The following ZBTB20 variants were observed in gnomAD, a reference collection of about 807,000 sequenced individuals.
ZBTB20 encodes the protein zinc finger and BTB domain-containing protein 20.
A neutral mutation model predicts 56.9 loss-of-function variants in ZBTB20; 9 were observed. The ratio of observed to expected loss-of-function variants is 0.16; its 90% CI spans 0.10 to 0.28. The LOEUF (loss-of-function observed/expected upper bound fraction) is 0.28, where lower values mean the gene tolerates loss of function less well. ZBTB20 is among the 10% of genes least tolerant of loss of function. The pLI is 1.00. For missense variants in ZBTB20, 655 were observed against 1,003.0 expected, an observed-to-expected ratio of 0.65 and a Z score of 4.69; for synonymous variants, 417 against 420.7, an observed-to-expected ratio of 0.99 and a Z score of 0.11.
At chr3:114,405,999 G>C (rs1258209031) in intron 7 of ZBTB20, among the ~76,000 whole-genome samples, 1 of 150,932 alleles carries the variant, frequency 6.6e-6, no homozygotes, top group Non-Finnish European at 1.5e-5. Flanking sequence ...CTTCCAAATT[G>C]CTGAGCAGAT....
rs144837628 is a variant in ZBTB20, at chr3:114,420,501, A to G, written c.-254-31396T>C. ...GTGTCTTGCCCGCCTGTGCACATAC[A>G]GGAAGGAAAGGTTGATACAGGAGAA... On this transcript the variant is annotated intron_variant, in intron 7 of 11. Transcript: ENST00000675478. 2.8e-3 allele frequency among the ~76,000 whole-genome samples: 427 copies of G among 152,268 alleles called. 3 individuals are homozygous for G. Among genetic ancestry groups the G allele is most frequent in the African/African-American group, 9.8e-3 (408 of 41,558 alleles).
At chr3:114,956,784 C>T (rs1256256733) in intron 3 of ZBTB20, among the ~76,000 whole-genome samples, 4 of 152,122 alleles carry the variant, frequency 2.6e-5, no homozygotes, top group Non-Finnish European at 5.9e-5. Flanking sequence ...ACGGAGAGGC[C>T]TAATATACCA....
intron 4 of ZBTB20, among the ~76,000 whole-genome samples, chr3:114,877,836 C>A (rs1282788296): frequency 6.6e-6 from 1 of 152,024 alleles, no homozygotes; most frequent in Non-Finnish European, 1.5e-5. Flanking sequence ...TAGACAGCAT[C>A]TAATTTGCAT....
chr3:115,050,562 A>T (rs573482981), intron 2 of ZBTB20, among the ~76,000 whole-genome samples: 1 of 152,156 alleles, frequency 6.6e-6, no homozygotes, highest in South Asian at 2.1e-4. Context: ...TTTATAAATT[A>T]TGATACTTTA....
chr3:114,350,910 C>T lies in ZBTB20; in HGVS notation c.1168G>A (p.Val390Met). The T allele has an allele frequency of 6.2e-7, 1 of 1,606,418 alleles. No homozygotes were observed. Among genetic ancestry groups the T allele is most frequent in the Non-Finnish European group, 8.5e-7 (1 of 1,179,952 alleles). The change falls in exon 11 of 12, where the codon GTG becomes ATG. Residue 390 changes from valine (V) to methionine (M), a missense_variant. Val to Met is a conservative substitution (Grantham distance 21). This residue lies in a region of ZBTB20 where 156 missense variants were observed against 181.0 expected (regional missense o/e 0.86). Transcript: ENST00000675478. ...SSSIGTEPDSVEQQFGPGAAR... is the reference protein window; with the variant it reads ...SSSIGTEPDSMEQQFGPGAAR... ...GCCCCAGGCCCAAACTGCTGCTCCA[C>T]CGAGTCAGGCTCGGTGCCTATGGAG...
intron 3 of ZBTB20, among the ~76,000 whole-genome samples, chr3:114,972,713 G>A (rs1355128620): frequency 6.6e-6 from 1 of 152,042 alleles, no homozygotes; most frequent in African/African-American, 2.4e-5. Context: ...TTTGAAAAGC[G>A]ATATTCTTTC....
intron 6 of ZBTB20, among the ~76,000 whole-genome samples, chr3:114,605,605 GAAAGT>G (rs1023513850): frequency 7.9e-5 from 12 of 152,296 alleles, no homozygotes; most frequent in East Asian, 1.9e-4. Context: ...GGGGAGAAAG[GAAAGT>G]AAATAACCAA....
At chr3:115,110,672 A>G (rs554834793) in intron 1 of ZBTB20, among the ~76,000 whole-genome samples, 12 of 152,256 alleles carry the variant, frequency 7.9e-5, no homozygotes, top group Non-Finnish European at 7.4e-5. Context: ...ATCAGTTTAT[A>G]TCTCAATGAA....
At chr3:114,400,283 G>A (rs142817417) in intron 7 of ZBTB20, among the ~76,000 whole-genome samples, 38 of 152,270 alleles carry the variant, frequency 2.5e-4, no homozygotes, top group Middle Eastern at 3.4e-3. Context: ...CTTGTAAGCT[G>A]TAAAATCTCT....
At chr3:115,093,756 A>C (rs1361900309) in intron 1 of ZBTB20, among the ~76,000 whole-genome samples, 1 of 152,130 alleles carries the variant, frequency 6.6e-6, no homozygotes, top group Non-Finnish European at 1.5e-5. Context: ...AAAGGGCAAA[A>C]GGTATGAAGG....
At chr3:115,009,008 T>C (rs765729862) in intron 2 of ZBTB20, among the ~76,000 whole-genome samples, 2 of 151,916 alleles carry the variant, frequency 1.3e-5, no homozygotes, top group African/African-American at 4.8e-5. Flanking sequence ...TATGTGTGTA[T>C]GTAAGATTGA....
chr3:114,509,422 TGTGGTGGTGGTGGTGGTGGTG>T (rs199590803), intron 6 of ZBTB20, among the ~76,000 whole-genome samples: 1 of 149,982 alleles, frequency 6.7e-6, no homozygotes, highest in African/African-American at 2.5e-5. Context: ...TGTGTGTGTG[TGTGGTGGTGGTGGTGGTGGTG>T]GTGGTGGTGG....
intron 1 of ZBTB20, among the ~76,000 whole-genome samples, chr3:115,131,762 C>T (rs1026825924): frequency 6.6e-6 from 1 of 152,134 alleles, no homozygotes; most frequent in African/African-American, 2.4e-5. Flanking sequence ...GTAACAAATA[C>T]TGTTAAGGTG....
chr3:114,664,060 T>C (rs1372273559), intron 6 of ZBTB20, among the ~76,000 whole-genome samples: 3 of 152,066 alleles, frequency 2.0e-5, no homozygotes, highest in African/African-American at 7.2e-5. Flanking sequence ...TTAGTAGTAA[T>C]TTAGTGATTT....
At chr3:114,673,869 T>C (rs1016131689) in intron 6 of ZBTB20, among the ~76,000 whole-genome samples, 7 of 152,196 alleles carry the variant, frequency 4.6e-5, no homozygotes, top group African/African-American at 1.2e-4. Flanking sequence ...CTAAAAAGCA[T>C]TGACATTATT....
intron 6 of ZBTB20, among the ~76,000 whole-genome samples, chr3:114,570,368 TATAA>T (rs2053283739): frequency 6.6e-6 from 1 of 151,388 alleles, no homozygotes; most frequent in African/African-American, 2.4e-5. Context: ...ACATTATTTT[TATAA>T]ATACAGTATG....
At chr3:115,060,147 T>C (rs751867236) in intron 2 of ZBTB20, among the ~76,000 whole-genome samples, 6 of 152,192 alleles carry the variant, frequency 3.9e-5, no homozygotes, top group Non-Finnish European at 7.4e-5. Flanking sequence ...TTAACACCCA[T>C]CTTCTTGATT....
chr3:114,903,444 G>T (rs551354943), intron 3 of ZBTB20, among the ~76,000 whole-genome samples: 1 of 152,024 alleles, frequency 6.6e-6, no homozygotes, highest in South Asian at 2.1e-4. Flanking sequence ...GGAGTAAGGA[G>T]ATAAAGAAGG....
chr3:114,910,441 T>C (rs766231978), intron 3 of ZBTB20, among the ~76,000 whole-genome samples: 2 of 151,918 alleles, frequency 1.3e-5, no homozygotes, highest in Non-Finnish European at 2.9e-5. Context: ...ACCTCAACTC[T>C]TGTATAAGGC....
Sources: gnomAD v4.1 joint callset for allele counts (sites outside exome capture counted in the v4.1 genomes callset) on GRCh38, gnomAD v4.1.1 for gene constraint, gnomAD v4.1.1 regional missense constraint, MANE v1.5 for transcripts, NCBI Gene and HGNC (gene_info 2026-07-23, HGNC 2026-07-21) for gene names.